RHOJ: variants seen among roughly 807,000 people sequenced by gnomAD.
RHOJ encodes rho-related GTP-binding protein RhoJ.
RHOJ carries 11 observed loss-of-function variants against 23.4 expected under a neutral mutation model. The ratio of observed to expected loss-of-function variants is 0.47; its 90% CI spans 0.30 to 0.78. RHOJ has a LOEUF of 0.78. Ranked by LOEUF, RHOJ falls within the 30% of genes least tolerant of loss-of-function variation. The probability of loss-of-function intolerance (pLI) is 0.08; values close to 1 mark genes in which losing one functional copy is unlikely to be tolerated. For missense variants in RHOJ, 254 were observed against 273.4 expected (o/e 0.93, Z 0.50); for synonymous variants, 102 against 102.7 (o/e 0.99, Z 0.04).
intron 2 of RHOJ, among the ~76,000 whole-genome samples, chr14:63,272,884 A>G (rs1594774471): frequency 6.6e-6 from 1 of 152,302 alleles, no homozygotes; most frequent in Admixed American, 6.5e-5. Context: ...TTAGCCGAGC[A>G]TGGTGGCGCG....
intron 1 of RHOJ, among the ~76,000 whole-genome samples, chr14:63,215,801 A>C (rs1015742032): frequency 1.3e-5 from 2 of 152,018 alleles, no homozygotes; most frequent in Non-Finnish European, 1.5e-5. Flanking sequence ...CTCCCCCTAG[A>C]ATATATAATT....
chr14:63,223,212 A>G (rs565462607), intron 1 of RHOJ, among the ~76,000 whole-genome samples: 1 of 152,348 alleles, frequency 6.6e-6, no homozygotes, highest in African/African-American at 2.4e-5. Flanking sequence ...GTGGTCAGCC[A>G]TCTGGACTAT....
At chr14:63,246,324 T>A (rs529719333) in intron 1 of RHOJ, among the ~76,000 whole-genome samples, 1 of 152,132 alleles carries the variant, frequency 6.6e-6, no homozygotes, top group African/African-American at 2.4e-5. Flanking sequence ...AAAACAAAGA[T>A]AAAAATTAAA....
intron 1 of RHOJ, among the ~76,000 whole-genome samples, chr14:63,213,018 G>A (rs1310749497): frequency 6.6e-6 from 1 of 152,170 alleles, no homozygotes; most frequent in African/African-American, 2.4e-5. Context: ...AACAGCACAT[G>A]TATTTTTAGG....
intron 1 of RHOJ, among the ~76,000 whole-genome samples, chr14:63,262,803 T>C (rs1458198364): frequency 1.3e-5 from 2 of 152,236 alleles, no homozygotes; most frequent in African/African-American, 2.4e-5. Flanking sequence ...CTCTGGGGTA[T>C]ACTGGGCATG....
chr14:63,237,123 C>A (rs1361326270), intron 1 of RHOJ, among the ~76,000 whole-genome samples: 1 of 152,062 alleles, frequency 6.6e-6, no homozygotes, highest in Non-Finnish European at 1.5e-5. Context: ...GAGGGCTAAC[C>A]TACTGTGCAG....
chr14:63,222,908 T>C (rs1458569015), intron 1 of RHOJ, among the ~76,000 whole-genome samples: 1 of 152,246 alleles, frequency 6.6e-6, no homozygotes, highest in Non-Finnish European at 1.5e-5. Context: ...CCCATAAGAA[T>C]GCAACTTTTT....
intron 1 of RHOJ, among the ~76,000 whole-genome samples, chr14:63,261,813 C>T (rs780055988): frequency 6.6e-6 from 1 of 152,108 alleles, no homozygotes; most frequent in Non-Finnish European, 1.5e-5. Context: ...ACCATCTTAC[C>T]GGTTCACTCA....
chr14:63,258,624 G>A (rs147805960), intron 1 of RHOJ, among the ~76,000 whole-genome samples: 1 of 152,168 alleles, frequency 6.6e-6, no homozygotes, highest in Non-Finnish European at 1.5e-5. Context: ...GAGAGTATGA[G>A]GGTACCAGCC....
At chr14:63,227,260 TA>T (rs1460668463) in intron 1 of RHOJ, among the ~76,000 whole-genome samples, 1 of 152,192 alleles carries the variant, frequency 6.6e-6, no homozygotes, top group East Asian at 1.9e-4. Flanking sequence ...CCGAGCTAAG[TA>T]TTCTTATATT....
Position 63,283,158 on chromosome 14 carries a change from T to G in RHOJ, c.440T>G (p.Leu147Trp). The change falls in exon 4 of 5, where the codon TTG becomes TGG. Residue 147 changes from leucine (L) to tryptophan (W), a missense_variant. Coordinates refer to ENST00000316754, the MANE Select transcript of RHOJ (RefSeq NM_020663.5). ...GATGACCCAAAAACCTTGGCCCGTT[T>G]GCTGTATATGAAAGAGAAACCTCTC... is the stretch of plus-strand genomic sequence containing the variant. ...LRDDPKTLAR[L>W]LYMKEKPLTY... 1 of 1,614,166 alleles carries G rather than the reference T, an allele frequency of 6.2e-7. No individual in the cohort carries two copies. Among genetic ancestry groups the G allele is most frequent in the Non-Finnish European group, 8.5e-7 (1 of 1,179,986 alleles).
chr14:63,282,872 T>A (rs771115323), intron 3 of RHOJ, among the ~76,000 whole-genome samples: 5 of 152,046 alleles, frequency 3.3e-5, no homozygotes, highest in Non-Finnish European at 7.4e-5. Flanking sequence ...AACAGAATCA[T>A]CCGAGTAGTC....
chr14:63,206,298 G>C (rs1894107360), intron 1 of RHOJ, among the ~76,000 whole-genome samples: 2 of 152,286 alleles, frequency 1.3e-5, no homozygotes, highest in African/African-American at 4.8e-5. Context: ...AAATTTTAAT[G>C]CTGGCTCACT....
At chr14:63,254,518 T>G (rs2139643618) in intron 1 of RHOJ, among the ~76,000 whole-genome samples, 1 of 152,336 alleles carries the variant, frequency 6.6e-6, no homozygotes, top group East Asian at 1.9e-4. Context: ...GGCACGGTGC[T>G]GGGCCTTAGA....
intron 1 of RHOJ, among the ~76,000 whole-genome samples, chr14:63,221,817 A>T (rs2139738064): frequency 6.6e-6 from 1 of 152,290 alleles, no homozygotes; most frequent in Non-Finnish European, 1.5e-5. Context: ...ACAAAGGCAG[A>T]AGAATGCAAC....
chr14:63,244,971 C>A (rs1894950445), intron 1 of RHOJ, among the ~76,000 whole-genome samples: 2 of 152,200 alleles, frequency 1.3e-5, no homozygotes, highest in Non-Finnish European at 2.9e-5. Context: ...ATATTGAAAA[C>A]TGTATGAGCT....
chr14:63,274,267 G>A (rs1045345795), intron 2 of RHOJ, among the ~76,000 whole-genome samples: 3 of 152,162 alleles, frequency 2.0e-5, no homozygotes, highest in East Asian at 3.9e-4. Context: ...CAGAACAAAT[G>A]TTTTCCCTCA....
At chr14:63,238,766 G>A (rs1566614446) in intron 1 of RHOJ, among the ~76,000 whole-genome samples, 1 of 152,108 alleles carries the variant, frequency 6.6e-6, no homozygotes, top group Non-Finnish European at 1.5e-5. Flanking sequence ...CAGTCAGCAT[G>A]GAGCTTATGG....
intron 1 of RHOJ, among the ~76,000 whole-genome samples, chr14:63,232,572 G>T (rs1163279181): frequency 6.6e-6 from 1 of 151,928 alleles, no homozygotes; most frequent in East Asian, 1.9e-4. Flanking sequence ...GCCATAGTTG[G>T]TTTAAATTAA....
Sources: gnomAD v4.1 joint callset for allele counts (sites outside exome capture counted in the v4.1 genomes callset) on GRCh38, gnomAD v4.1.1 for gene constraint, MANE v1.5 for transcripts, NCBI Gene and HGNC (gene_info 2026-07-23, HGNC 2026-07-21) for gene names.